Variants in CHCHD3 observed in about 807,000 individuals in gnomAD.
CHCHD3 encodes MICOS complex subunit MIC19.
CHCHD3 carries 20 observed loss-of-function variants against 38.2 expected under a neutral mutation model. That is an observed-to-expected ratio of 0.52 (90% CI 0.37 to 0.76). The LOEUF is 0.76. Among genes scored for constraint, CHCHD3 ranks in the 30% least tolerant of loss-of-function variants. The probability of loss-of-function intolerance (pLI) is 0.00; values close to 1 mark genes in which losing one functional copy is unlikely to be tolerated. For missense variants in CHCHD3, 245 were observed against 279.2 expected, an observed-to-expected ratio of 0.88 and a Z score of 0.87; for synonymous variants, 82 against 100.0, an observed-to-expected ratio of 0.82 and a Z score of 1.07.
intron 3 of CHCHD3, among the ~76,000 whole-genome samples, chr7:133,015,171 GTC>G (rs1404056089): frequency 6.6e-6 from 1 of 151,832 alleles, no homozygotes; most frequent in Admixed American, 6.6e-5. Flanking sequence ...GCGAAACCCT[GTC>G]TCTATTAAAA....
chr7:132,843,895 C>T (rs1808004622), intron 5 of CHCHD3, among the ~76,000 whole-genome samples: 1 of 152,158 alleles, frequency 6.6e-6, no homozygotes, highest in African/African-American at 2.4e-5. Flanking sequence ...AACCACATTC[C>T]TATTTCCAAA....
intron 3 of CHCHD3, among the ~76,000 whole-genome samples, chr7:132,980,749 T>G (rs950873419): frequency 6.6e-6 from 1 of 152,140 alleles, no homozygotes; most frequent in African/African-American, 2.4e-5. Flanking sequence ...ACATGTCCTT[T>G]TAAATGGGAA....
intron 6 of CHCHD3, among the ~76,000 whole-genome samples, chr7:132,822,855 A>AAAACAAAACAAAAC (rs1807420593): frequency 6.8e-6 from 1 of 146,254 alleles, no homozygotes; most frequent in African/African-American, 2.6e-5. Context: ...CAAAACAAAA[A>AAAACAAAACAAAAC]ACCAAAACCA....
At chr7:132,898,331 C>T (rs998941832) in intron 4 of CHCHD3, among the ~76,000 whole-genome samples, 38 of 152,114 alleles carry the variant, frequency 2.5e-4, no homozygotes, top group African/African-American at 7.0e-4. Context: ...TTTGACAGGG[C>T]GCTGATTGGT....
chr7:132,873,440 G>T (rs1808817389), intron 5 of CHCHD3, among the ~76,000 whole-genome samples: 2 of 143,742 alleles, frequency 1.4e-5, no homozygotes, highest in South Asian at 4.4e-4. Flanking sequence ...TTTGAGACGG[G>T]TCTCGCTGTG....
chr7:133,016,116 G>A (rs1429628870), intron 3 of CHCHD3, among the ~76,000 whole-genome samples: 1 of 152,192 alleles, frequency 6.6e-6, no homozygotes, highest in Non-Finnish European at 1.5e-5. Context: ...AACATGAGAT[G>A]TGGGTGGGGA....
intron 4 of CHCHD3, chr7:132,972,781 G>T: frequency 1.0e-6 from 1 of 985,368 alleles, no homozygotes. Context: ...TACAACAGAT[G>T]CTGAAATACA....
chr7:133,007,030 T>C (rs1198629959), intron 3 of CHCHD3, among the ~76,000 whole-genome samples: 1 of 152,170 alleles, frequency 6.6e-6, no homozygotes, highest in East Asian at 1.9e-4. Flanking sequence ...AATAGTGAGA[T>C]TATAGATGAT....
At chr7:133,040,752 G>A (rs944910431) in intron 2 of CHCHD3, among the ~76,000 whole-genome samples, 7 of 152,198 alleles carry the variant, frequency 4.6e-5, no homozygotes, top group Non-Finnish European at 7.4e-5. Flanking sequence ...TATGCCTGGT[G>A]TCAATTTAGT....
At chr7:133,021,891 C>T (rs1813187965) in intron 3 of CHCHD3, among the ~76,000 whole-genome samples, 3 of 152,028 alleles carry the variant, frequency 2.0e-5, no homozygotes, top group Admixed American at 1.3e-4. Context: ...TCAAGACCAG[C>T]CTGGCCAATA....
chr7:133,019,550 A>C (rs1407020642), intron 3 of CHCHD3, among the ~76,000 whole-genome samples: 1 of 152,226 alleles, frequency 6.6e-6, no homozygotes, highest in Non-Finnish European at 1.5e-5. Flanking sequence ...TCATTATACC[A>C]GATAGATTAT....
intron 3 of CHCHD3, among the ~76,000 whole-genome samples, chr7:132,984,264 T>C (rs867603689): frequency 0.016 from 2,438 of 147,854 alleles, 43 homozygotes; most frequent in African/African-American, 0.057. Context: ...GGGGTTTCGC[T>C]GTGTTGGCCG....
chr7:132,972,203 A>G (rs1241437814), intron 4 of CHCHD3, among the ~76,000 whole-genome samples: 2 of 152,196 alleles, frequency 1.3e-5, no homozygotes, highest in African/African-American at 4.8e-5. Context: ...GTATTAATTT[A>G]GTAATTAGTG....
chr7:133,002,268 G>A (rs1812595122), intron 3 of CHCHD3, among the ~76,000 whole-genome samples: 1 of 152,134 alleles, frequency 6.6e-6, no homozygotes, highest in African/African-American at 2.4e-5. Flanking sequence ...ATCTTCATTT[G>A]AAAAACATGC....
At chr7:132,969,849 AC>A (rs2117322646) in intron 4 of CHCHD3, among the ~76,000 whole-genome samples, 1 of 152,222 alleles carries the variant, frequency 6.6e-6, no homozygotes, top group East Asian at 1.9e-4. Flanking sequence ...GACTAAATGG[AC>A]CCCCTCTTGG....
At chr7:133,017,679 T>C (rs944380278) in intron 3 of CHCHD3, among the ~76,000 whole-genome samples, 2 of 152,238 alleles carry the variant, frequency 1.3e-5, no homozygotes, top group Non-Finnish European at 2.9e-5. Context: ...TATGGCACGC[T>C]TGATTGACTC....
chr7:132,800,567 G>A (rs2117035369), intron 6 of CHCHD3, among the ~76,000 whole-genome samples: 1 of 152,182 alleles, frequency 6.6e-6, no homozygotes, highest in East Asian at 1.9e-4. Flanking sequence ...GAAAAAATGT[G>A]GAGATAACAC....
At chr7:133,011,758 G>C (rs978185913) in intron 3 of CHCHD3, among the ~76,000 whole-genome samples, 6 of 152,120 alleles carry the variant, frequency 3.9e-5, no homozygotes, top group African/African-American at 1.4e-4. Flanking sequence ...GGGACATAAA[G>C]GCAGGAAGAA....
At chr7:133,073,886 C>T (rs550537698) in intron 1 of CHCHD3, among the ~76,000 whole-genome samples, 1 of 152,310 alleles carries the variant, frequency 6.6e-6, no homozygotes, top group South Asian at 2.1e-4. Context: ...CTTAATATTA[C>T]ATATCCTGTT....
Sources: allele counts gnomAD v4.1 joint callset (sites outside exome capture counted in the v4.1 genomes callset), GRCh38; gene constraint gnomAD v4.1.1; transcripts MANE v1.5; gene names NCBI Gene and HGNC (gene_info 2026-07-23, HGNC 2026-07-21).